The following BNC2 variants were observed in gnomAD, a reference collection of about 807,000 sequenced individuals.
BNC2 encodes zinc finger protein basonuclin-2.
In BNC2, 20 loss-of-function variants were observed where a neutral mutation model predicts 76.3. That is an observed-to-expected ratio of 0.26 (90% CI 0.18 to 0.38). The LOEUF (loss-of-function observed/expected upper bound fraction) is 0.38, where lower values mean the gene tolerates loss of function less well. BNC2 is among the 10% of genes least tolerant of loss of function. The pLI is 1.00. For synonymous variants in BNC2, 582 were observed against 514.8 expected, an observed-to-expected ratio of 1.13 and a Z score of -1.77; for missense variants, 1,382 against 1,399.8, an observed-to-expected ratio of 0.99 and a Z score of 0.20.
chr9:16,467,787 C>G (rs2131325612), intron 5 of BNC2, among the ~76,000 whole-genome samples: 1 of 140,956 alleles, frequency 7.1e-6, no homozygotes, highest in African/African-American at 2.7e-5. Context: ...ACATATGTAA[C>G]TAACCTGCAC....
At chr9:16,439,081 T>C (rs1821076384) in intron 5 of BNC2, among the ~76,000 whole-genome samples, 1 of 152,178 alleles carries the variant, frequency 6.6e-6, no homozygotes, top group South Asian at 2.1e-4. Flanking sequence ...CCCCTGCGCA[T>C]GCTCTTGCCT....
Position 16,734,803 on chromosome 9 carries a change from G to C in BNC2, c.129+3557C>G, listed in dbSNP as rs137923382. On this transcript the variant is annotated intron_variant, in intron 2 of 6. Coordinates refer to ENST00000380672, the MANE Select transcript of BNC2 (RefSeq NM_017637.6). ...CTGAAGACTTCATTACATGCCCTTA[G>C]ACCAATAGAGGAAAATAGGCCTTCT... 8.2e-4 allele frequency among the ~76,000 whole-genome samples: 125 copies of C among 152,318 alleles called. 1 individual carries two copies. The highest frequency in any genetic ancestry group is 2.9e-3 in the African/African-American group (121 of 41,572).
chr9:16,524,224 C>T (rs1817720607), intron 5 of BNC2, among the ~76,000 whole-genome samples: 1 of 152,160 alleles, frequency 6.6e-6, no homozygotes, highest in Non-Finnish European at 1.5e-5. Context: ...GAAACTGCTA[C>T]CAGTGTTAAT....
chr9:16,641,814 C>A (rs575629419), intron 3 of BNC2, among the ~76,000 whole-genome samples: 15 of 152,170 alleles, frequency 9.9e-5, no homozygotes, highest in Non-Finnish European at 1.9e-4. Context: ...CTCTCTTTCT[C>A]TCTAAGCTAC....
chr9:16,600,104 T>C (rs1820205292), intron 3 of BNC2, among the ~76,000 whole-genome samples: 1 of 152,230 alleles, frequency 6.6e-6, no homozygotes, highest in South Asian at 2.1e-4. Flanking sequence ...CCTACATTGA[T>C]GACCACAAAT....
intron 1 of BNC2, among the ~76,000 whole-genome samples, chr9:16,775,409 A>AG (rs1203849774): frequency 6.6e-6 from 1 of 151,022 alleles, no homozygotes; most frequent in Non-Finnish European, 1.5e-5. Context: ...AAAAAAAAAA[A>AG]ACTCCCATGA....
At chr9:16,518,654 G>A (rs1563821323) in intron 5 of BNC2, among the ~76,000 whole-genome samples, 1 of 152,038 alleles carries the variant, frequency 6.6e-6, no homozygotes, top group Non-Finnish European at 1.5e-5. Flanking sequence ...TTGCTGGAGT[G>A]CAGTAGCACC....
chr9:16,848,278 A>G (rs1483862225), intron 1 of BNC2, among the ~76,000 whole-genome samples: 1 of 152,230 alleles, frequency 6.6e-6, no homozygotes, highest in Non-Finnish European at 1.5e-5. Flanking sequence ...AAGTCAATCT[A>G]CAAATGAAAT....
chr9:16,548,498 C>T (rs1480805081), intron 5 of BNC2, among the ~76,000 whole-genome samples: 1 of 151,924 alleles, frequency 6.6e-6, no homozygotes, highest in African/African-American at 2.4e-5. Flanking sequence ...CTCTGCTTCC[C>T]GGGTTCAAGG....
intron 5 of BNC2, among the ~76,000 whole-genome samples, chr9:16,527,527 T>C (rs1461761896): frequency 6.6e-6 from 1 of 152,208 alleles, no homozygotes; most frequent in Non-Finnish European, 1.5e-5. Context: ...TTCCTACAAG[T>C]ATATGGCTGC....
chr9:16,465,769 C>T (rs2131307128), intron 5 of BNC2, among the ~76,000 whole-genome samples: 1 of 152,188 alleles, frequency 6.6e-6, no homozygotes, highest in East Asian at 1.9e-4. Flanking sequence ...AAAAAAGTTC[C>T]ACTTAGGAGA....
intron 1 of BNC2, among the ~76,000 whole-genome samples, chr9:16,753,070 C>A (rs1168651754): frequency 6.6e-6 from 1 of 152,174 alleles, no homozygotes; most frequent in Non-Finnish European, 1.5e-5. Context: ...AAGTAGATGA[C>A]CTGAAACTGT....
At chr9:16,676,420 T>C (rs1359273803) in intron 3 of BNC2, among the ~76,000 whole-genome samples, 1 of 152,242 alleles carries the variant, frequency 6.6e-6, no homozygotes, top group Non-Finnish European at 1.5e-5. Context: ...TATGTTTTCC[T>C]TCTTCTATGA....
rs73645981 is a variant in BNC2 at position 16,458,544 on chromosome 9, G to C, written c.670-21020C>G. 4.0e-3 allele frequency among the ~76,000 whole-genome samples: 613 copies of C among 152,312 alleles called. 3 individuals are homozygous for C. Among genetic ancestry groups the C allele is most frequent in the African/African-American group, 0.014 (578 of 41,554 alleles). On this transcript the variant is annotated intron_variant, in intron 5 of 6. Coordinates refer to ENST00000380672, the MANE Select transcript of BNC2 (RefSeq NM_017637.6). ...CCTACTTATTTATAGCAATCTGCTA[G>C]AGTCATGAGATAATTTAGGGAGAGG...
intron 2 of BNC2, among the ~76,000 whole-genome samples, chr9:16,730,545 C>A (rs188975482): frequency 6.0e-4 from 91 of 152,268 alleles, no homozygotes; most frequent in Non-Finnish European, 9.3e-4. Context: ...AGTTCATAAA[C>A]TCTCTCCTAG....
intron 1 of BNC2, among the ~76,000 whole-genome samples, chr9:16,819,431 G>A (rs1354005147): frequency 1.3e-5 from 2 of 152,200 alleles, no homozygotes; most frequent in Non-Finnish European, 2.9e-5. Context: ...GGAAGGCCAA[G>A]CTGGGTGGAT....
chr9:16,764,069 A>G (rs1218122082), intron 1 of BNC2, among the ~76,000 whole-genome samples: 1 of 152,204 alleles, frequency 6.6e-6, no homozygotes, highest in Admixed American at 6.5e-5. Flanking sequence ...GGTTCCTAAT[A>G]AAAGTTAACA....
At chr9:16,457,399 T>A (rs1234832782) in intron 5 of BNC2, among the ~76,000 whole-genome samples, 1 of 152,116 alleles carries the variant, frequency 6.6e-6, no homozygotes, top group African/African-American at 2.4e-5. Context: ...CACGTGGTCA[T>A]ACGCACACCT....
At position 16,417,506 on chromosome 9, in the gene BNC2, T is replaced by C. The variant is rs1437686522; in HGVS notation, c.*1483A>G. On this transcript the variant is annotated 3_prime_UTR_variant, in exon 7 of 7. Coordinates refer to ENST00000380672, the MANE Select transcript of BNC2 (RefSeq NM_017637.6). ...AAAGGAGTGTTGCTCCATTCAAGTT[T>C]AGCACATGTTTTCAAAGCTTCCAAG... is the stretch of plus-strand genomic sequence containing the variant. 6.6e-6 allele frequency: 1 copy of C among 152,160 alleles called. No individual in the cohort carries two copies. The highest frequency in any genetic ancestry group is 1.5e-5 in the Non-Finnish European group (1 of 68,022). The allele number at this position is 152,160 out of a possible 1,614,324, so 9.4% of individuals were successfully genotyped here.
Sources: allele counts gnomAD v4.1 joint callset (sites outside exome capture counted in the v4.1 genomes callset), GRCh38; gene constraint gnomAD v4.1.1; transcripts MANE v1.5; gene names NCBI Gene and HGNC (gene_info 2026-07-23, HGNC 2026-07-21).